Variants in MITF observed in about 807,000 individuals in gnomAD.
MITF encodes melanocyte inducing transcription factor, also known as microphthalmia-associated transcription factor.
In MITF, 17 loss-of-function variants were observed where a neutral mutation model predicts 60.5. The ratio of observed to expected loss-of-function variants is 0.28; its 90% CI spans 0.19 to 0.42. The LOEUF (loss-of-function observed/expected upper bound fraction) is 0.42, where lower values mean the gene tolerates loss of function less well. Among genes scored for constraint, MITF ranks in the 10% least tolerant of loss-of-function variants. The pLI is 1.00. For synonymous variants in MITF, 260 were observed against 248.5 expected (o/e 1.05, Z -0.43); for missense variants, 622 against 683.5 (o/e 0.91, Z 1.00).
chr3:69,746,487 A>G (rs72950024), intron 1 of MITF, among the ~76,000 whole-genome samples: 2,869 of 152,276 alleles, frequency 0.019, 95 homozygotes, highest in African/African-American at 0.066. Context: ...TCTTTCAAGG[A>G]CAATAAGTGA....
At chr3:69,937,398 G>GTA (rs1313755886) in intron 2 of MITF, among the ~76,000 whole-genome samples, 5 of 151,284 alleles carry the variant, frequency 3.3e-5, no homozygotes, top group Non-Finnish European at 7.4e-5. Context: ...GTGTGTGTGT[G>GTA]TGTGTGTTTT....
chr3:69,819,798 C>G (rs907640347), intron 1 of MITF, among the ~76,000 whole-genome samples: 1 of 151,980 alleles, frequency 6.6e-6, no homozygotes, highest in African/African-American at 2.4e-5. Context: ...CTCGTCTCTA[C>G]TAAAAAAAAG....
At chr3:69,934,715 G>A (rs2065793929) in intron 2 of MITF, among the ~76,000 whole-genome samples, 1 of 152,210 alleles carries the variant, frequency 6.6e-6, no homozygotes, top group Admixed American at 6.5e-5. Context: ...TTTCAAAGAA[G>A]CACCAGGAAA....
At chr3:69,863,851 C>T (rs147822991) in intron 1 of MITF, among the ~76,000 whole-genome samples, 22 of 152,268 alleles carry the variant, frequency 1.4e-4, no homozygotes, top group East Asian at 3.9e-4. Context: ...CATCTGCCAC[C>T]GTCCCTGGCT....
chr3:69,916,566 T>C (rs116466819), intron 2 of MITF, among the ~76,000 whole-genome samples: 2,606 of 152,340 alleles, frequency 0.017, 83 homozygotes, highest in African/African-American at 0.058. Flanking sequence ...AAACATTTTA[T>C]GTAGGCAAGC....
At chr3:69,954,104 G>T (rs186937223) in intron 7 of MITF, among the ~76,000 whole-genome samples, 2 of 152,076 alleles carry the variant, frequency 1.3e-5, no homozygotes, top group East Asian at 3.9e-4. Flanking sequence ...TAAATGATTG[G>T]AAAGGGAAGT....
chr3:69,905,436 A>T (rs1208489287), intron 2 of MITF, among the ~76,000 whole-genome samples: 2 of 151,726 alleles, frequency 1.3e-5, no homozygotes, highest in Admixed American at 6.6e-5. Flanking sequence ...CAAAGTTCCT[A>T]TGAATATTTA....
intron 1 of MITF, among the ~76,000 whole-genome samples, chr3:69,826,540 T>A (rs2063357905): frequency 6.6e-6 from 1 of 152,212 alleles, no homozygotes. Flanking sequence ...TAATTACTTT[T>A]AAAAACTTTT....
At chr3:69,813,277 T>G (rs1247144846) in intron 1 of MITF, among the ~76,000 whole-genome samples, 1 of 152,198 alleles carries the variant, frequency 6.6e-6, no homozygotes, top group African/African-American at 2.4e-5. Flanking sequence ...GATCTGTCAG[T>G]AGGTTGAATG....
chr3:69,954,367 C>T (rs2066345149), intron 7 of MITF, among the ~76,000 whole-genome samples: 1 of 152,110 alleles, frequency 6.6e-6, no homozygotes, highest in Non-Finnish European at 1.5e-5. Context: ...GCAGAAAGTT[C>T]CACGTGGAGT....
chr3:69,833,110 G>A (rs1194298168), intron 1 of MITF, among the ~76,000 whole-genome samples: 1 of 152,120 alleles, frequency 6.6e-6, no homozygotes, highest in African/African-American at 2.4e-5. Flanking sequence ...ACTGTATGTG[G>A]TTGTTTCCCT....
At chr3:69,948,106 A>G (rs2066145586) in intron 5 of MITF, among the ~76,000 whole-genome samples, 2 of 152,202 alleles carry the variant, frequency 1.3e-5, no homozygotes, top group South Asian at 4.1e-4. Context: ...CCCAGTAATC[A>G]TGGTTATAGA....
At position 69,956,487 on chromosome 3, in the gene MITF, C is replaced by T. The variant is rs1366402619; in HGVS notation, c.988C>T (p.Arg330Cys). The T allele has an allele frequency of 5.0e-6, 8 of 1,613,490 alleles. No homozygotes were observed. Among genetic ancestry groups the T allele is most frequent in the Non-Finnish European group, 6.8e-6 (8 of 1,179,704 alleles). Reference sequence around the variant, plus strand: ...AAGAAGAAGATTTAACATAAATGACCGCATTAAAGAACTAGGTACTTTGAT... The same window carrying T: ...AAGAAGAAGATTTAACATAAATGACTGCATTAAAGAACTAGGTACTTTGAT... The part of the protein sequence containing the change: ...ERRRRFNIND[R>C]IKELGTLIPK... The change falls in exon 8 of 10, where the codon CGC (arginine) becomes TGC (cysteine). Residue 330 changes from arginine to cysteine, a missense_variant. This residue lies in a region of MITF where 31 missense variants were observed against 74.8 expected (regional missense o/e 0.41). Coordinates refer to ENST00000352241, the MANE Select transcript of MITF (RefSeq NM_001354604.2).
chr3:69,913,031 TGTTGACATGGAAA>T (rs1253026466), intron 2 of MITF, among the ~76,000 whole-genome samples: 3 of 152,142 alleles, frequency 2.0e-5, no homozygotes, highest in Non-Finnish European at 4.4e-5. Context: ...GATCTAGGTG[TGTTGACATGGAAA>T]GTTGTCTAGG....
intron 1 of MITF, among the ~76,000 whole-genome samples, chr3:69,766,588 G>A (rs972260448): frequency 6.6e-6 from 1 of 152,026 alleles, no homozygotes; most frequent in Non-Finnish European, 1.5e-5. Context: ...TTAAAAAAAT[G>A]TTGAATCAAT....
intron 2 of MITF, among the ~76,000 whole-genome samples, chr3:69,929,378 T>C (rs551604802): frequency 6.6e-6 from 1 of 152,182 alleles, no homozygotes; most frequent in Admixed American, 6.5e-5. Flanking sequence ...AATGAGGTAA[T>C]GCTCCTGGGG....
intron 1 of MITF, among the ~76,000 whole-genome samples, chr3:69,747,216 T>C (rs544638040): frequency 6.6e-6 from 1 of 152,340 alleles, no homozygotes; most frequent in South Asian, 2.1e-4. Flanking sequence ...TGGCGCACAG[T>C]TAACAATGAA....
rs555971854 is a variant in MITF, at chr3:69,914,133, G to GT, written c.355-23683dup. 1.7e-4 allele frequency among the ~76,000 whole-genome samples: 26 copies of GT among 152,106 alleles called. 1 individual carries two copies. The East Asian group carries it at 5.0e-3, about 29-fold the overall frequency. On this transcript the variant is annotated intron_variant, in intron 2 of 9. Transcript: ENST00000352241. The stretch of plus-strand genomic sequence containing the variant: ...TAGAATGGAACTTTTTTGTTTGTTT[G>GT]TTTTTTGAGTTGGAGTCTCACTTTG...
At chr3:69,746,744 T>C (rs936977826) in intron 1 of MITF, among the ~76,000 whole-genome samples, 19 of 152,202 alleles carry the variant, frequency 1.2e-4, no homozygotes, top group Non-Finnish European at 2.5e-4. Context: ...GTGAACATTG[T>C]GTACTCCGAG....
Sources: allele counts gnomAD v4.1 joint callset (sites outside exome capture counted in the v4.1 genomes callset), GRCh38; gene constraint gnomAD v4.1.1; regional missense constraint gnomAD v4.1.1; transcripts MANE v1.5; gene names NCBI Gene and HGNC (gene_info 2026-07-23, HGNC 2026-07-21).